The following DPYD variants were observed in gnomAD, a reference collection of about 807,000 sequenced individuals.
DPYD encodes the protein dihydropyrimidine dehydrogenase [NADP(+)].
DPYD carries 109 observed loss-of-function variants against 116.2 expected under a neutral mutation model. The observed-to-expected ratio is 0.94, with a 90% CI of 0.80 to 1.10. DPYD has a LOEUF of 1.10. DPYD is among the 50% of genes least tolerant of loss of function. The pLI is 0.00. For synonymous variants in DPYD, 440 were observed against 432.0 expected, an observed-to-expected ratio of 1.02 and a Z score of -0.23; for missense variants, 1,302 against 1,254.5, an observed-to-expected ratio of 1.04 and a Z score of -0.57.
chr1:97,446,263 A>C (rs1273738288), intron 14 of DPYD, among the ~76,000 whole-genome samples: 2 of 152,214 alleles, frequency 1.3e-5, no homozygotes, highest in East Asian at 1.9e-4. Context: ...TAAGTGAGAT[A>C]GTGAGAATCC....
rs35454049 is a variant in DPYD at position 97,467,292 on chromosome 1, A to G, written c.1741-17069T>C. 3.4e-3 allele frequency among the ~76,000 whole-genome samples: 511 copies of G among 152,348 alleles called. 3 individuals carry two copies. The highest frequency in any genetic ancestry group is 0.01 in the Middle Eastern group (3 of 294). ...GAGGTACCTAGAGAAAGTCAAACCC[A>G]AGAGCCAGAGCTAACATTCTTTTTG... is the stretch of plus-strand genomic sequence containing the variant. On this transcript the variant is annotated intron_variant, in intron 13 of 22. Coordinates refer to ENST00000370192, the MANE Select transcript of DPYD (RefSeq NM_000110.4).
chr1:97,826,278 C>T (rs746061406), intron 3 of DPYD, among the ~76,000 whole-genome samples: 1 of 152,150 alleles, frequency 6.6e-6, no homozygotes, highest in Non-Finnish European at 1.5e-5. Flanking sequence ...TTAATCATCT[C>T]TTCATTTGAA....
intron 13 of DPYD, among the ~76,000 whole-genome samples, chr1:97,507,111 C>T (rs1358424869): frequency 1.3e-5 from 2 of 151,836 alleles, no homozygotes; most frequent in Non-Finnish European, 2.9e-5. Context: ...ATGAAATGTC[C>T]CATAGGAGTA....
At chr1:97,670,487 C>T (rs1458220857) in intron 8 of DPYD, among the ~76,000 whole-genome samples, 1 of 152,148 alleles carries the variant, frequency 6.6e-6, no homozygotes, top group African/African-American at 2.4e-5. Flanking sequence ...CATAGGAACA[C>T]ACAGGGAGAA....
intron 2 of DPYD, among the ~76,000 whole-genome samples, chr1:97,870,142 T>C (rs1280315180): frequency 6.6e-6 from 1 of 151,850 alleles, no homozygotes; most frequent in East Asian, 1.9e-4. Context: ...ATTTTTAGGA[T>C]AAATCACATG....
At chr1:97,343,195 G>A (rs747093672) in intron 16 of DPYD, among the ~76,000 whole-genome samples, 4 of 152,044 alleles carry the variant, frequency 2.6e-5, no homozygotes, top group Non-Finnish European at 4.4e-5. Flanking sequence ...TAGAACTGTG[G>A]CAACTACCAT....
intron 3 of DPYD, among the ~76,000 whole-genome samples, chr1:97,807,006 A>G (rs1180239866): frequency 6.6e-6 from 1 of 151,782 alleles, no homozygotes; most frequent in Non-Finnish European, 1.5e-5. Flanking sequence ...TTTATTTTTA[A>G]CTCTAAATAA....
chr1:97,245,096 C>T (rs565248592), intron 18 of DPYD, among the ~76,000 whole-genome samples: 2 of 152,144 alleles, frequency 1.3e-5, no homozygotes, highest in South Asian at 4.1e-4. Context: ...CTATTAAGTA[C>T]CAGTTGCTCT....
chr1:97,535,629 G>T (rs1464434875), intron 12 of DPYD, among the ~76,000 whole-genome samples: 1 of 152,002 alleles, frequency 6.6e-6, no homozygotes, highest in Non-Finnish European at 1.5e-5. Flanking sequence ...TACTTTTCAG[G>T]TCAAACACTG....
chr1:97,273,678 A>G (rs1664743440), intron 18 of DPYD, among the ~76,000 whole-genome samples: 1 of 152,124 alleles, frequency 6.6e-6, no homozygotes, highest in African/African-American at 2.4e-5. Context: ...GAGGATTTGT[A>G]TGTTTATTGC....
At chr1:97,914,438 G>GA (rs1323800590) in intron 1 of DPYD, among the ~76,000 whole-genome samples, 1 of 152,048 alleles carries the variant, frequency 6.6e-6, no homozygotes, top group African/African-American at 2.4e-5. Context: ...TTTCTTTTCA[G>GA]AAAAAAATTA....
intron 19 of DPYD, among the ~76,000 whole-genome samples, chr1:97,194,930 A>G (rs570764214): frequency 6.6e-6 from 1 of 152,310 alleles, no homozygotes. Context: ...CTTCCACTAA[A>G]AAAACCCTGG....
chr1:97,521,284 G>C (rs1019026367), intron 12 of DPYD, among the ~76,000 whole-genome samples: 1 of 152,104 alleles, frequency 6.6e-6, no homozygotes, highest in African/African-American at 2.4e-5. Flanking sequence ...CAAACAGAGA[G>C]CCAAGTCATG....
chr1:97,781,872 C>A (rs1266279933), intron 3 of DPYD, among the ~76,000 whole-genome samples: 1 of 152,276 alleles, frequency 6.6e-6, no homozygotes, highest in South Asian at 2.1e-4. Flanking sequence ...TACAGCTTAG[C>A]TCAATAACCA....
At chr1:97,863,988 C>A (rs1571492095) in intron 2 of DPYD, among the ~76,000 whole-genome samples, 1 of 151,802 alleles carries the variant, frequency 6.6e-6, no homozygotes, top group Non-Finnish European at 1.5e-5. Flanking sequence ...TTTAAGCACA[C>A]AATAAAATGC....
intron 19 of DPYD, among the ~76,000 whole-genome samples, chr1:97,230,700 G>A (rs1218035337): frequency 6.6e-6 from 1 of 152,184 alleles, no homozygotes; most frequent in African/African-American, 2.4e-5. Context: ...AGAAATGAGA[G>A]CTAAAAGGCT....
At position 97,515,819 on chromosome 1, in the gene DPYD, A is replaced by G; in HGVS notation, c.1647T>C (p.Ala549=). 6.2e-7 allele frequency: 1 copy of G among 1,612,982 alleles called. No homozygotes were observed. Among genetic ancestry groups the G allele is most frequent in the East Asian group, 2.2e-5 (1 of 44,852 alleles). The part of the protein sequence containing the change: ...GLKFINPFGL[A]SATPATSTSM... Reference sequence around the variant, plus strand: ...ATGTGCTGGTGGCTGGAGTTGCGCTAGCAAGACCAAAAGGATTTATAAACT... The same window carrying G: ...ATGTGCTGGTGGCTGGAGTTGCGCTGGCAAGACCAAAAGGATTTATAAACT... Residue 549 remains alanine, a synonymous_variant, in exon 13 of 23, where the codon GCT becomes GCC. Coordinates refer to ENST00000370192, the MANE Select transcript of DPYD (RefSeq NM_000110.4).
intron 2 of DPYD, among the ~76,000 whole-genome samples, chr1:97,842,581 T>C (rs980222063): frequency 3.3e-5 from 5 of 152,204 alleles, no homozygotes; most frequent in African/African-American, 1.2e-4. Context: ...CAACTATTAA[T>C]ACCTTTTACT....
chr1:97,619,550 C>T (rs1330747162), intron 8 of DPYD, among the ~76,000 whole-genome samples: 3 of 152,192 alleles, frequency 2.0e-5, no homozygotes, highest in South Asian at 2.1e-4. Flanking sequence ...ATATTAAATC[C>T]GCATCCACCC....
Sources: allele counts gnomAD v4.1 joint callset (sites outside exome capture counted in the v4.1 genomes callset), GRCh38; gene constraint gnomAD v4.1.1; transcripts MANE v1.5; gene names NCBI Gene and HGNC (gene_info 2026-07-23, HGNC 2026-07-21).